The following CA10 variants were observed in gnomAD, a reference collection of about 807,000 sequenced individuals.
CA10 encodes carbonic anhydrase 10 (inactive).
A neutral mutation model predicts 44.2 loss-of-function variants in CA10; 14 were observed. The ratio of observed to expected loss-of-function variants is 0.32; its 90% CI spans 0.21 to 0.50. The LOEUF is 0.50. Ranked by LOEUF, CA10 falls within the 20% of genes least tolerant of loss-of-function variation. CA10 has a pLI of 0.99. For missense variants in CA10, 350 were observed against 409.7 expected (o/e 0.85, Z 1.26); for synonymous variants, 159 against 141.6 (o/e 1.12, Z -0.87).
chr17:51,859,892 T>TAAGAATA (rs1206957976), intron 3 of CA10, among the ~76,000 whole-genome samples: 2 of 152,152 alleles, frequency 1.3e-5, no homozygotes, highest in African/African-American at 4.8e-5. Context: ...ATGATACACA[T>TAAGAATA]AAGAATAAAT....
intron 2 of CA10, among the ~76,000 whole-genome samples, chr17:51,933,519 C>T (rs980325399): frequency 3.3e-5 from 5 of 152,062 alleles, no homozygotes; most frequent in Non-Finnish European, 5.9e-5. Context: ...CCTGCTGATA[C>T]CATGATGTTT....
intron 2 of CA10, among the ~76,000 whole-genome samples, chr17:52,034,655 G>A (rs1385568545): frequency 6.6e-6 from 1 of 152,124 alleles, no homozygotes; most frequent in Admixed American, 6.5e-5. Context: ...CACTTCACCA[G>A]TGCGTGACAC....
At chr17:51,983,033 T>A (rs182112156) in intron 2 of CA10, among the ~76,000 whole-genome samples, 6 of 152,072 alleles carry the variant, frequency 3.9e-5, no homozygotes, top group Admixed American at 3.9e-4. Context: ...TATTGCTTTT[T>A]ATCTCAAGCC....
chr17:52,088,918 C>T (rs1409374256), intron 1 of CA10, among the ~76,000 whole-genome samples: 1 of 152,184 alleles, frequency 6.6e-6, no homozygotes, highest in Non-Finnish European at 1.5e-5. Flanking sequence ...GAAAAATACA[C>T]TATAGATTAT....
intron 3 of CA10, among the ~76,000 whole-genome samples, chr17:51,879,828 A>G (rs935599470): frequency 2.0e-5 from 3 of 152,210 alleles, no homozygotes; most frequent in Non-Finnish European, 2.9e-5. Flanking sequence ...AAAGAAAAGG[A>G]AGTGACATGT....
chr17:51,948,046 A>G (rs1449136776), intron 2 of CA10, among the ~76,000 whole-genome samples: 5 of 152,102 alleles, frequency 3.3e-5, no homozygotes, highest in South Asian at 4.1e-4. Flanking sequence ...AGTTGTTGTC[A>G]AGGTTAATTA....
intron 4 of CA10, among the ~76,000 whole-genome samples, chr17:51,707,692 T>TGTGTGTGTGTGTGA (rs1190524081): frequency 2.6e-5 from 4 of 151,832 alleles, no homozygotes; most frequent in Admixed American, 2.6e-4. Flanking sequence ...TGTGTGTGTG[T>TGTGTGTGTGTGTGA]GTGTGTGTGT....
chr17:51,773,173 G>T (rs1292606365), intron 3 of CA10, among the ~76,000 whole-genome samples: 1 of 152,204 alleles, frequency 6.6e-6, no homozygotes, highest in Non-Finnish European at 1.5e-5. Flanking sequence ...AGACTGAGGA[G>T]AATGCAAAAG....
chr17:52,028,655 T>C (rs1986372325), intron 2 of CA10, among the ~76,000 whole-genome samples: 2 of 152,110 alleles, frequency 1.3e-5, no homozygotes, highest in African/African-American at 4.8e-5. Context: ...CTAAAAATAA[T>C]ACCTGGGTGT....
At chr17:51,899,638 T>A (rs1981224015) in intron 3 of CA10, among the ~76,000 whole-genome samples, 1 of 152,068 alleles carries the variant, frequency 6.6e-6, no homozygotes, top group Non-Finnish European at 1.5e-5. Context: ...TCTAATACTG[T>A]CAGTGGCATG....
chr17:51,997,550 A>C (rs2144114082), intron 2 of CA10, among the ~76,000 whole-genome samples: 1 of 152,220 alleles, frequency 6.6e-6, no homozygotes, highest in East Asian at 1.9e-4. Flanking sequence ...GGATACCTTG[A>C]GACAAAGAAG....
chr17:51,914,803 T>C (rs984596971), intron 3 of CA10, among the ~76,000 whole-genome samples: 1 of 152,224 alleles, frequency 6.6e-6, no homozygotes, highest in African/African-American at 2.4e-5. Flanking sequence ...CAACCTAAGA[T>C]TGAAACTCAG....
intron 3 of CA10, among the ~76,000 whole-genome samples, chr17:51,774,330 C>T (rs1905725363): frequency 6.6e-6 from 1 of 152,180 alleles, no homozygotes; most frequent in Non-Finnish European, 1.5e-5. Context: ...TAGCTTCTCC[C>T]CCTGCCCGCA....
intron 6 of CA10, among the ~76,000 whole-genome samples, chr17:51,645,547 T>C (rs773958821): frequency 6.6e-6 from 1 of 152,224 alleles, no homozygotes; most frequent in African/African-American, 2.4e-5. Context: ...GTGGTTAGTA[T>C]ATGTCCCTTT....
chr17:51,712,416 G>A (rs1242147490), intron 4 of CA10, among the ~76,000 whole-genome samples: 1 of 152,188 alleles, frequency 6.6e-6, no homozygotes, highest in Non-Finnish European at 1.5e-5. Context: ...AATAGCACAT[G>A]AATATACTTA....
chr17:51,694,949 T>G (rs1189842097), intron 4 of CA10, among the ~76,000 whole-genome samples: 2 of 152,150 alleles, frequency 1.3e-5, no homozygotes, highest in Admixed American at 1.3e-4. Context: ...CCCACTTTGT[T>G]GCATATCAGT....
At chr17:51,857,692 G>A (rs1239306740) in intron 3 of CA10, among the ~76,000 whole-genome samples, 2 of 152,146 alleles carry the variant, frequency 1.3e-5, no homozygotes, top group Non-Finnish European at 1.5e-5. Flanking sequence ...TATTCCCACA[G>A]CCATTCTCAT....
intron 3 of CA10, among the ~76,000 whole-genome samples, chr17:51,821,059 CCCTCTCTCCCTTCCTT>C (rs1277154603): frequency 5.1e-5 from 5 of 98,050 alleles, no homozygotes; most frequent in African/African-American, 2.3e-4. Context: ...CTCCCTCCCT[CCCTCTCTCCCTTCCTT>C]CCTCCCTCCC....
At chr17:52,040,398 T>G (rs1036186727) in intron 2 of CA10, among the ~76,000 whole-genome samples, 7 of 152,068 alleles carry the variant, frequency 4.6e-5, no homozygotes, top group African/African-American at 1.7e-4. Context: ...TGTTTTTCCT[T>G]GAAAGCCTTC....
Sources: gnomAD v4.1 joint callset for allele counts (sites outside exome capture counted in the v4.1 genomes callset) on GRCh38, gnomAD v4.1.1 for gene constraint, MANE v1.5 for transcripts, NCBI Gene and HGNC (gene_info 2026-07-23, HGNC 2026-07-21) for gene names.